The following CYP4B1 variants were observed in gnomAD, a reference collection of about 807,000 sequenced individuals.
The protein encoded by CYP4B1 is cytochrome P450 family 4 subfamily B member 1.
CYP4B1 carries 45 observed loss-of-function variants against 54.0 expected under a neutral mutation model. The ratio of observed to expected loss-of-function variants is 0.83; its 90% CI spans 0.66 to 1.07. The LOEUF is 1.07. Ranked by LOEUF, CYP4B1 falls within the 50% of genes least tolerant of loss-of-function variation. The pLI is 0.00. For missense variants in CYP4B1, 656 were observed against 655.4 expected (o/e 1.00, Z -0.01); for synonymous variants, 248 against 247.5 (o/e 1.00, Z -0.02).
intron 8 of CYP4B1, 76 bp downstream of exon 8, chr1:46,815,340 C>A: frequency 7.4e-7 from 1 of 1,358,486 alleles, no homozygotes; most frequent in Non-Finnish European, 9.9e-7. Context: ...CTGAACCATC[C>A]TGGAAATCAG....
chr1:46,810,758 CTGG>C, intron 1 of CYP4B1, 47 bp from the exon 2 acceptor site: 1 of 1,608,716 alleles, frequency 6.2e-7, no homozygotes, highest in Non-Finnish European at 8.5e-7. Context: ...TGGGGCCTAG[CTGG>C]TGACAATGTG....
chr1:46,800,560 C>A (rs1188241852), intron 1 of CYP4B1, among the ~76,000 whole-genome samples: 1 of 152,016 alleles, frequency 6.6e-6, no homozygotes, highest in African/African-American at 2.4e-5. Context: ...AAACTCCTGA[C>A]CTCAAGTGAT....
Position 46,813,942 on chromosome 1 carries a change from T to C in CYP4B1, c.654T>C (p.Asp218=). Residue 218 remains aspartate, a synonymous_variant, in exon 6 of 12, where the codon GAT becomes GAC. Coordinates refer to ENST00000371923, the MANE Select transcript of CYP4B1 (RefSeq NM_001099772.2). ...RDSSYYLAVS[D]LTLLMQQRLV... The stretch of plus-strand genomic sequence containing the variant: ...GCAGCTACTACCTTGCAGTCAGCGA[T>C]CTCACTCTGTTGATGCAGCAGCGCC... 1 of 1,614,172 alleles carries C rather than the reference T, an allele frequency of 6.2e-7. No homozygotes were observed. Among genetic ancestry groups the C allele is most frequent in the Non-Finnish European group, 8.5e-7 (1 of 1,180,022 alleles).
chr1:46,803,676 T>C (rs1678747484), intron 1 of CYP4B1, among the ~76,000 whole-genome samples: 2 of 152,180 alleles, frequency 1.3e-5, no homozygotes, highest in Admixed American at 1.3e-4. Context: ...TTTTGGAGAA[T>C]TCCGTGGCAG....
At chr1:46,809,127 A>C (rs75024175) in intron 1 of CYP4B1, among the ~76,000 whole-genome samples, 6 of 126,516 alleles carry the variant, frequency 4.7e-5, no homozygotes, top group South Asian at 2.6e-4. Flanking sequence ...AATAAAAAAA[A>C]CCCAAAAAAC....
At chr1:46,807,908 C>T (rs1293076305) in intron 1 of CYP4B1, among the ~76,000 whole-genome samples, 2 of 152,206 alleles carry the variant, frequency 1.3e-5, no homozygotes, top group Admixed American at 6.5e-5. Flanking sequence ...TAAGAATGTT[C>T]CCTGGAAGAT....
At chr1:46,814,800 T>G (rs1357535659) in intron 7 of CYP4B1, 1 of 466,568 alleles carries the variant, frequency 2.1e-6, no homozygotes. Context: ...CTCTGGCAGG[T>G]GGTATTCTAT....
Position 46,819,146 on chromosome 1 carries a change from A to C in CYP4B1, c.*332A>C, listed in dbSNP as rs1443134118. On this transcript the variant is annotated 3_prime_UTR_variant, in exon 12 of 12. Transcript: ENST00000371923. ...ACTTACATTCCAACCTTAGAGACTC[A>C]TAGTGAGCACAAGGAAAGTTTTGCC... 9.2e-6 allele frequency: 2 copies of C among 216,282 alleles called. No homozygotes were observed. The highest frequency in any genetic ancestry group is 1.8e-5 in the Non-Finnish European group (2 of 109,432). The allele number at this position is 216,282 out of a possible 1,614,324, so 13.4% of individuals were successfully genotyped here.
chr1:46,818,213 G>A lies in CYP4B1; in HGVS notation c.1355G>A (p.Arg452Lys). ...TTTATGCCCTTCTCTGCTGGGCCCA[G>A]GTATGGAGAGACCCAGTATCCCAGG... The part of the protein sequence containing the change: ...FAFMPFSAGP[R>K]NCIGQQFAMS... The change falls in exon 11 of 12, where the codon AGG becomes AAG. Residue 452 changes from arginine to lysine, a missense_variant and splice_region_variant. Transcript: ENST00000371923. The A allele has an allele frequency of 1.9e-6, 3 of 1,613,562 alleles. No individual in the cohort carries two copies. Among genetic ancestry groups the A allele is most frequent in the Non-Finnish European group, 2.5e-6 (3 of 1,179,522 alleles).
chr1:46,804,438 T>C lies in CYP4B1; in HGVS notation c.180+5177T>C, dbSNP rs559029594. ...AGGTTTGGTTTCATTTTCTTTCTTT[T>C]TTTTTTTTTTAAAGTGAGAGACTTG... On this transcript the variant is annotated intron_variant, in intron 1 of 11. Transcript: ENST00000371923. Among the ~76,000 whole-genome samples, 65 of 151,730 alleles carry C rather than the reference T, an allele frequency of 4.3e-4. No homozygotes were observed. The South Asian group carries it at 0.01, about 23-fold the overall frequency.
chr1:46,813,714 A>C, intron 5 of CYP4B1, 108 bp downstream of exon 5: 2 of 1,516,506 alleles, frequency 1.3e-6, no homozygotes, highest in African/African-American at 2.8e-5. Context: ...GTCCTGCCCC[A>C]GGGAGCCTTA....
At position 46,800,195 on chromosome 1, in the gene CYP4B1, T is replaced by TC. The variant is rs1557484295; in HGVS notation, c.180+934_180+935insC. Among the ~76,000 whole-genome samples, 13 of 38,344 alleles carry TC rather than the reference T, an allele frequency of 3.4e-4. 1 individual carries two copies. The East Asian group carries it at 4.9e-3, about 14-fold the overall frequency. 25.2% of individuals were successfully genotyped at this position (38,344 alleles called of 152,430 possible). The stretch of plus-strand genomic sequence containing the variant: ...TTCTTCTTTCTTTCTCTTTCTTTCT[T>TC]TCTCTTTCTTTCTTTCTTTCTCTTT... On this transcript the variant is annotated intron_variant, in intron 1 of 11. Coordinates refer to ENST00000371923, the MANE Select transcript of CYP4B1 (RefSeq NM_001099772.2).
chr1:46,803,770 A>G (rs1394374158), intron 1 of CYP4B1, among the ~76,000 whole-genome samples: 1 of 152,172 alleles, frequency 6.6e-6, no homozygotes, highest in African/African-American at 2.4e-5. Context: ...GTGGGCCTGC[A>G]GGGAGGAGGG....
At chr1:46,813,853 T>G in intron 5 of CYP4B1, 56 bp from the exon 6 acceptor site, 1 of 1,592,498 alleles carries the variant, frequency 6.3e-7, no homozygotes, top group Non-Finnish European at 8.6e-7. Context: ...GGAGTTTCTC[T>G]GGCTCTGCTC....
chr1:46,813,910 A>T lies in CYP4B1; in HGVS notation c.622A>T (p.Arg208Trp). Reference sequence around the variant, plus strand: ...TCCCTCCTCCTACCCTCTGCTTAGCAGGGACAGCAGCTACTACCTTGCAGT... The same window carrying T: ...TCCCTCCTCCTACCCTCTGCTTAGCTGGGACAGCAGCTACTACCTTGCAGT... ...GRGDTGLGHS[R>W]DSSYYLAVSD... The change falls in exon 6 of 12, where the codon AGG becomes TGG. Residue 208 changes from arginine to tryptophan, a missense_variant and splice_region_variant. Coordinates refer to ENST00000371923, the MANE Select transcript of CYP4B1 (RefSeq NM_001099772.2). 1 of 1,614,048 alleles carries T rather than the reference A, an allele frequency of 6.2e-7. No individual in the cohort carries two copies. The highest frequency in any genetic ancestry group is 8.5e-7 in the Non-Finnish European group (1 of 1,179,956).
intron 1 of CYP4B1, among the ~76,000 whole-genome samples, chr1:46,804,342 C>T (rs1431289020): frequency 6.6e-6 from 1 of 151,848 alleles, no homozygotes; most frequent in Admixed American, 6.6e-5. Context: ...GGGCACAGCT[C>T]TTTAGAGAAG....
At chr1:46,802,777 G>A (rs1252730950) in intron 1 of CYP4B1, among the ~76,000 whole-genome samples, 1 of 152,154 alleles carries the variant, frequency 6.6e-6, no homozygotes, top group African/African-American at 2.4e-5. Flanking sequence ...CAGCACATGT[G>A]TTACCAATCT....
chr1:46,803,533 G>T (rs550714962), intron 1 of CYP4B1, among the ~76,000 whole-genome samples: 1 of 152,316 alleles, frequency 6.6e-6, no homozygotes, highest in African/African-American at 2.4e-5. Context: ...AGAGCCATAA[G>T]ACTGGATTGT....
intron 9 of CYP4B1, 121 bp from the exon 10 acceptor site, chr1:46,817,844 G>A: frequency 1.3e-6 from 1 of 792,124 alleles, no homozygotes; most frequent in East Asian, 2.4e-5. Flanking sequence ...CTCTGTCACT[G>A]GCAGTGGTCA....
Sources: allele counts gnomAD v4.1 joint callset (sites outside exome capture counted in the v4.1 genomes callset), GRCh38; gene constraint gnomAD v4.1.1; transcripts MANE v1.5; gene names NCBI Gene and HGNC (gene_info 2026-07-23, HGNC 2026-07-21).